ADCY8: variants seen among roughly 807,000 people sequenced by gnomAD.
ADCY8 encodes the protein adenylate cyclase 8, also known as adenylate cyclase type 8.
ADCY8 carries 51 observed loss-of-function variants against 119.7 expected under a neutral mutation model. That is an observed-to-expected ratio of 0.43 (90% CI 0.34 to 0.54). The LOEUF is 0.54. Among genes scored for constraint, ADCY8 ranks in the 20% least tolerant of loss-of-function variants. The pLI is 0.03. For missense variants in ADCY8, 1,383 were observed against 1,598.8 expected (o/e 0.87, Z 2.30); for synonymous variants, 665 against 651.0 (o/e 1.02, Z -0.33).
At chr8:130,952,774 T>C (rs1821312821) in intron 2 of ADCY8, among the ~76,000 whole-genome samples, 1 of 152,026 alleles carries the variant, frequency 6.6e-6, no homozygotes, top group Non-Finnish European at 1.5e-5. Context: ...GAGATAAGAT[T>C]CATAGAACTG....
chr8:130,909,090 A>T lies in ADCY8; in HGVS notation c.1640+618T>A, dbSNP rs1819891563. On this transcript the variant is annotated intron_variant, in intron 6 of 17. Coordinates refer to ENST00000286355, the MANE Select transcript of ADCY8 (RefSeq NM_001115.3). ...ATCTTTAAGAAAGAGAGGCTGCAGA[A>T]AATCACACTGGCTCACATATATCTG... is the stretch of plus-strand genomic sequence containing the variant. Among the ~76,000 whole-genome samples the T allele has an allele frequency of 5.3e-5, 8 of 152,200 alleles. No homozygotes were observed. The South Asian group carries it at 1.7e-3, about 32-fold the overall frequency.
chr8:130,982,460 T>A (rs1822268926), intron 2 of ADCY8, among the ~76,000 whole-genome samples: 1 of 152,216 alleles, frequency 6.6e-6, no homozygotes, highest in South Asian at 2.1e-4. Flanking sequence ...GTAGAATTCT[T>A]TACAGCTGAA....
intron 5 of ADCY8, among the ~76,000 whole-genome samples, chr8:130,931,445 G>A (rs1820627394): frequency 6.6e-6 from 1 of 152,022 alleles, no homozygotes; most frequent in African/African-American, 2.4e-5. Context: ...AATCTGATTG[G>A]AGATCTTTGA....
At chr8:130,942,742 AATG>A (rs1405109885) in intron 4 of ADCY8, among the ~76,000 whole-genome samples, 38 of 152,346 alleles carry the variant, frequency 2.5e-4, no homozygotes, top group African/African-American at 8.9e-4. Context: ...ACAGCGTGAT[AATG>A]ATATTACTTC....
intron 9 of ADCY8, among the ~76,000 whole-genome samples, chr8:130,863,433 T>G (rs1477188960): frequency 1.8e-4 from 27 of 152,038 alleles, no homozygotes; most frequent in Admixed American, 1.8e-3. Context: ...TGCTTTGTAA[T>G]TGGTATCTTG....
rs139617629 is a variant in ADCY8 at position 130,839,527 on chromosome 8, C to G, written c.2503-3078G>C. Among the ~76,000 whole-genome samples, 5 of 140,050 alleles carry G rather than the reference C, an allele frequency of 3.6e-5. 1 individual carries two copies. Among genetic ancestry groups the G allele is most frequent in the African/African-American group, 7.3e-5 (3 of 40,982 alleles). 91.9% of individuals were successfully genotyped at this position (140,050 alleles called of 152,430 possible). A position where few individuals can be genotyped will look rare whatever the true frequency, so the allele number is the denominator to read the frequency against. ...GTGGGACCAGGAAATGGGAGAACAA[C>G]AGGAAGCTACAGAAGTATTATGGCT... On this transcript the variant is annotated intron_variant, in intron 11 of 17. Transcript: ENST00000286355.
At chr8:130,827,411 A>G (rs756550327) in intron 12 of ADCY8, among the ~76,000 whole-genome samples, 6 of 152,144 alleles carry the variant, frequency 3.9e-5, no homozygotes, top group Non-Finnish European at 8.8e-5. Context: ...GCATAATAAG[A>G]TTAGGGTGGG....
chr8:130,886,563 A>G (rs954883053), intron 7 of ADCY8, among the ~76,000 whole-genome samples: 1 of 152,114 alleles, frequency 6.6e-6, no homozygotes, highest in South Asian at 2.1e-4. Context: ...TTCATATGGC[A>G]TGGAAAGTGA....
chr8:130,905,296 T>C (rs797015385), intron 6 of ADCY8, among the ~76,000 whole-genome samples: 14 of 152,336 alleles, frequency 9.2e-5, no homozygotes, highest in African/African-American at 3.4e-4. Context: ...CTCCAAGCTT[T>C]CATTCTCTGG....
intron 1 of ADCY8, among the ~76,000 whole-genome samples, chr8:131,009,880 G>T (rs148712811): frequency 6.6e-6 from 1 of 152,318 alleles, no homozygotes; most frequent in Non-Finnish European, 1.5e-5. Context: ...AGGTAAAAAA[G>T]TGCCCAGAAT....
At chr8:130,818,614 A>G (rs1816415669) in intron 13 of ADCY8, among the ~76,000 whole-genome samples, 1 of 152,242 alleles carries the variant, frequency 6.6e-6, no homozygotes, top group African/African-American at 2.4e-5. Context: ...CGTACCAGGC[A>G]TCAGTGGGCA....
chr8:130,895,351 A>T (rs1819350964), intron 7 of ADCY8, among the ~76,000 whole-genome samples: 1 of 152,130 alleles, frequency 6.6e-6, no homozygotes, highest in Non-Finnish European at 1.5e-5. Flanking sequence ...TGCATGATGT[A>T]TGCTTGACAA....
chr8:130,926,564 T>C (rs1388941143), intron 5 of ADCY8, among the ~76,000 whole-genome samples: 1 of 152,234 alleles, frequency 6.6e-6, no homozygotes, highest in Non-Finnish European at 1.5e-5. Flanking sequence ...TTAACACATG[T>C]ATTACCTCAC....
At chr8:130,930,034 G>C (rs1333889417) in intron 5 of ADCY8, among the ~76,000 whole-genome samples, 1 of 152,144 alleles carries the variant, frequency 6.6e-6, no homozygotes, top group African/African-American at 2.4e-5. Flanking sequence ...TACAGGTAAA[G>C]TGAGCCTTTG....
intron 8 of ADCY8, among the ~76,000 whole-genome samples, chr8:130,870,018 C>CTTT (rs563831552): frequency 1.7e-5 from 2 of 115,880 alleles, no homozygotes; most frequent in Non-Finnish European, 3.6e-5. Flanking sequence ...CTTTCTTCTT[C>CTTT]TTTTTTTTTT....
At chr8:130,984,801 G>A (rs1822347152) in intron 2 of ADCY8, among the ~76,000 whole-genome samples, 1 of 152,154 alleles carries the variant, frequency 6.6e-6, no homozygotes, top group Non-Finnish European at 1.5e-5. Flanking sequence ...GGGAATGGGA[G>A]GATCATGAAC....
chr8:131,016,214 T>TGG (rs1372242235), intron 1 of ADCY8, among the ~76,000 whole-genome samples: 1 of 150,758 alleles, frequency 6.6e-6, no homozygotes, highest in Non-Finnish European at 1.5e-5. Flanking sequence ...TGCAGTATGG[T>TGG]GGGGGGAGGT....
At chr8:130,794,350 T>C (rs1399204689) in intron 15 of ADCY8, among the ~76,000 whole-genome samples, 1 of 152,240 alleles carries the variant, frequency 6.6e-6, no homozygotes, top group Non-Finnish European at 1.5e-5. Flanking sequence ...GTTCAAGTGA[T>C]TCTCCTGCCT....
At chr8:130,833,701 A>G (rs1383518818) in intron 12 of ADCY8, among the ~76,000 whole-genome samples, 5 of 152,276 alleles carry the variant, frequency 3.3e-5, no homozygotes, top group African/African-American at 9.6e-5. Context: ...TTATTGGCCA[A>G]CTGAGCTGAC....
Sources: gnomAD v4.1 joint callset for allele counts (sites outside exome capture counted in the v4.1 genomes callset) on GRCh38, gnomAD v4.1.1 for gene constraint, MANE v1.5 for transcripts, NCBI Gene and HGNC (gene_info 2026-07-23, HGNC 2026-07-21) for gene names.